The following ARHGAP27 variants were observed in gnomAD, a reference collection of about 807,000 sequenced individuals.
The protein encoded by ARHGAP27 is rho GTPase-activating protein 27.
ARHGAP27 carries 53 observed loss-of-function variants against 102.0 expected under a neutral mutation model. That is an observed-to-expected ratio of 0.52 (90% CI 0.42 to 0.65). ARHGAP27 has a LOEUF of 0.65. Among genes scored for constraint, ARHGAP27 ranks in the 30% least tolerant of loss-of-function variants. The pLI is 0.00. For synonymous variants in ARHGAP27, 525 were observed against 542.8 expected, an observed-to-expected ratio of 0.97 and a Z score of 0.46; for missense variants, 1,117 against 1,256.2, an observed-to-expected ratio of 0.89 and a Z score of 1.68.
At chr17:45,403,420 C>T (rs1236979706) in intron 11 of ARHGAP27, among the ~76,000 whole-genome samples, 199 bp downstream of exon 11, 2 of 152,176 alleles carry the variant, frequency 1.3e-5, no homozygotes, top group African/African-American at 4.8e-5. Context: ...ATTAGCCGCA[C>T]ATGGTGGCAC....
chr17:45,395,829 G>C lies in ARHGAP27; in HGVS notation c.2407C>G (p.Arg803Gly). Residue 803 changes from arginine (R) to glycine (G), a missense_variant, in exon 19 of 20, where the codon CGC (arginine) becomes GGC (glycine). Around this residue, in one of 3 missense-constraint regions of ARHGAP27, gnomAD observed 493 missense variants for 505.5 expected, o/e 0.98. Transcript: ENST00000685559. ...ACCAAGTCACGCACACAGCGGCTGC[G>C]CCGGGCCTGGTCCTGCAACTCTGGG... The part of the protein sequence containing the change: ...AAIKLQDQAR[R>G]SRCVRDLVRS... 6.2e-7 allele frequency: 1 copy of C among 1,602,018 alleles called. No homozygotes were observed. Among genetic ancestry groups the C allele is most frequent in the South Asian group, 1.1e-5 (1 of 89,598 alleles).
rs1469646341 is a variant in ARHGAP27 at position 45,420,966 on chromosome 17, A to AG, written c.657+8656_657+8657insC. ...ACTCCATCTCAAAAAAAAAAAAAAAAAAGACTGATTTTTAGAACTTAAAAT... is the reference window on the plus strand; with the variant it reads ...ACTCCATCTCAAAAAAAAAAAAAAAAGAAGACTGATTTTTAGAACTTAAAAT... On this transcript the variant is annotated intron_variant, in intron 4 of 19. Transcript: ENST00000685559. Among the ~76,000 whole-genome samples, 14 of 149,428 alleles carry AG rather than the reference A, an allele frequency of 9.4e-5. No homozygotes were observed. In the South Asian group the frequency reaches 1.8e-3, roughly 19 times the overall value.
Position 45,405,841 on chromosome 17 carries a change from G to T in ARHGAP27, c.900C>A (p.Ser300Arg), listed in dbSNP as rs1424516734. ...TSPASVDSHV[S>R]LETEWGQYWD... ...AGTACTGGCCCCACTCGGTCTCAAG[G>T]CTCACGTGGCTGTCCACCGAGGCAG... Residue 300 changes from serine (S) to arginine (R), a missense_variant, in exon 5 of 20, where the codon AGC becomes AGA. This residue lies in a region of ARHGAP27 where 610 missense variants were observed against 716.4 expected (regional missense o/e 0.85). Coordinates refer to ENST00000685559, the MANE Select transcript of ARHGAP27 (RefSeq NM_001282290.2). 6.5e-7 allele frequency: 1 copy of T among 1,536,594 alleles called. No homozygotes were observed. The highest frequency in any genetic ancestry group is 8.7e-7 in the Non-Finnish European group (1 of 1,146,984).
rs949913445 is a variant in ARHGAP27, at chr17:45,405,043, GAGA to G, written c.1126_1128del (p.Ser376del). ...CCGGGCTCACCGAAAGAGCCCACGGGAGAATAGTCCTCCTCGGGGTAACTGGTC... is the reference window on the plus strand; with the variant it reads ...CCGGGCTCACCGAAAGAGCCCACGGGATAGTCCTCCTCGGGGTAACTGGTC... On this transcript the variant is annotated inframe_deletion, in exon 6 of 20. Coordinates refer to ENST00000685559, the MANE Select transcript of ARHGAP27 (RefSeq NM_001282290.2). The G allele has an allele frequency of 5.6e-6, 9 of 1,613,316 alleles. No homozygotes were observed. In the African/African-American group the frequency reaches 1.2e-4, roughly 22 times the overall value.
chr17:45,396,448 C>T, intron 16 of ARHGAP27, 39 bp downstream of exon 16: 2 of 1,495,568 alleles, frequency 1.3e-6, no homozygotes, highest in Non-Finnish European at 1.8e-6. Flanking sequence ...CCTGCGGGCA[C>T]CCCAATGCCT....
chr17:45,396,179 T>A lies in ARHGAP27; in HGVS notation c.2251+28A>T, dbSNP rs368477600. The A allele has an allele frequency of 3.8e-6, 6 of 1,595,672 alleles. No individual in the cohort carries two copies. In the African/African-American group the frequency reaches 8.1e-5, roughly 21 times the overall value. The stretch of plus-strand genomic sequence containing the variant: ...CAGTACCCCTTGCGCCTTCAGGCCC[T>A]GGGGCAGGGGTTGGGGACGGGCCTC... On this transcript the variant is annotated intron_variant, in intron 17 of 19. Coordinates refer to ENST00000685559, the MANE Select transcript of ARHGAP27 (RefSeq NM_001282290.2).
chr17:45,411,077 C>T lies in ARHGAP27; in HGVS notation c.658-4994G>A, dbSNP rs562361480. Among the ~76,000 whole-genome samples the T allele has an allele frequency of 6.6e-5, 10 of 152,220 alleles. No individual in the cohort carries two copies. The East Asian group carries it at 1.5e-3, about 23-fold the overall frequency. On this transcript the variant is annotated intron_variant, in intron 4 of 19. Coordinates refer to ENST00000685559, the MANE Select transcript of ARHGAP27 (RefSeq NM_001282290.2). ...TGTCCACATACGTGTACAAGTATGC[C>T]CGTGCCTGTCCCCTCCTCTCTAAGG...
intron 4 of ARHGAP27, among the ~76,000 whole-genome samples, chr17:45,407,239 CTG>C: frequency 6.6e-6 from 1 of 152,280 alleles, no homozygotes. Context: ...ACCGTCCCTG[CTG>C]TGTTTCCTCC....
chr17:45,395,398 T>C lies in ARHGAP27; in HGVS notation c.*58A>G, dbSNP rs1346357032. The C allele has an allele frequency of 1.3e-6, 2 of 1,506,368 alleles. No individual in the cohort carries two copies. The highest frequency in any genetic ancestry group is 1.8e-6 in the Non-Finnish European group (2 of 1,122,954). 93.3% of individuals were successfully genotyped at this position (1,506,368 alleles called of 1,614,324 possible). On this transcript the variant is annotated 3_prime_UTR_variant, in exon 20 of 20. Transcript: ENST00000685559. The stretch of plus-strand genomic sequence containing the variant: ...GAGAAGAAGGCCCGGCTGCGTGGCC[T>C]CCGCCGCCCAGCTTGTGTGGCAGGA...
chr17:45,427,428 T>A lies in ARHGAP27; in HGVS notation c.657+2195A>T, dbSNP rs1287791325. ...CCCCAGGATCGTGGCTGTGCCTCAG[T>A]CCTCTCCAGATCCGAAGGCTCACCA... On this transcript the variant is annotated intron_variant, in intron 4 of 19. Coordinates refer to ENST00000685559, the MANE Select transcript of ARHGAP27 (RefSeq NM_001282290.2). The surrounding 1 kb of genome is among the most constrained non-coding windows in gnomAD (Gnocchi z 4.5). 2.6e-5 allele frequency among the ~76,000 whole-genome samples: 4 copies of A among 152,214 alleles called. No homozygotes were observed. The East Asian group carries it at 7.7e-4, about 29-fold the overall frequency.
At chr17:45,397,697 A>C (rs1305146614) in intron 13 of ARHGAP27, 1 of 396,098 alleles carries the variant, frequency 2.5e-6, no homozygotes, top group African/African-American at 2.1e-5. Flanking sequence ...CCTCCCGTGA[A>C]ATGGGAACTT....
In ARHGAP27 at chr17:45,411,795, T is replaced by TCACACACA. The variant is rs3068161; in HGVS notation, c.658-5720_658-5713dup. On this transcript the variant is annotated intron_variant, in intron 4 of 19. Coordinates refer to ENST00000685559, the MANE Select transcript of ARHGAP27 (RefSeq NM_001282290.2). ...CCACCCTGAGGCCAGGGATGAGGACTCACACACACACACACACACACACAC... is the reference window on the plus strand; with the variant it reads ...CCACCCTGAGGCCAGGGATGAGGACTCACACACACACACACACACACACACACACACAC... Among the ~76,000 whole-genome samples the TCACACACA allele has an allele frequency of 7.2e-3, 1,078 of 149,148 alleles. 4 individuals are homozygous for TCACACACA. The highest frequency in any genetic ancestry group is 0.024 in the Middle Eastern group (7 of 286).
intron 12 of ARHGAP27, among the ~76,000 whole-genome samples, chr17:45,398,282 T>C (rs2045983889): frequency 6.6e-6 from 1 of 152,234 alleles, no homozygotes; most frequent in South Asian, 2.1e-4. Flanking sequence ...CAGCAAGTTT[T>C]AGCTGCTTCC....
chr17:45,410,540 T>C lies in ARHGAP27; in HGVS notation c.658-4457A>G, dbSNP rs1321154786. 3 of 834,196 alleles carry C rather than the reference T, an allele frequency of 3.6e-6. No individual in the cohort carries two copies. In the African/African-American group the frequency reaches 5.4e-5, roughly 15 times the overall value. The allele number at this position is 834,196 out of a possible 1,614,324, so 51.7% of individuals were successfully genotyped here. ...AAACACTGCTGGCTGCCCCACTCAG[T>C]GCTCTAATGACCAGTGAGCCGCATC... On this transcript the variant is annotated intron_variant, in intron 4 of 19. Coordinates refer to ENST00000685559, the MANE Select transcript of ARHGAP27 (RefSeq NM_001282290.2).
chr17:45,418,456 C>T (rs950199686), intron 4 of ARHGAP27, among the ~76,000 whole-genome samples: 6 of 151,882 alleles, frequency 4.0e-5, no homozygotes, highest in South Asian at 4.2e-4. Context: ...GGTGACAGAG[C>T]GAGACCCTGT....
intron 4 of ARHGAP27, chr17:45,410,119 G>A: frequency 6.2e-6 from 8 of 1,295,070 alleles, no homozygotes; most frequent in Admixed American, 2.7e-5. Context: ...AGAAAAGGAA[G>A]TATGAGCCCC....
chr17:45,417,778 G>T (rs1297711166), intron 4 of ARHGAP27, among the ~76,000 whole-genome samples: 1 of 151,004 alleles, frequency 6.6e-6, no homozygotes, highest in Non-Finnish European at 1.5e-5. Context: ...TTTTGGCCGG[G>T]TATGGTGGCT....
At chr17:45,410,458 G>T in intron 4 of ARHGAP27, 12 of 1,229,116 alleles carry the variant, frequency 9.8e-6, no homozygotes, top group African/African-American at 3.2e-5. Context: ...AGTGCTGCCT[G>T]AGTTGGGGCG....
At position 45,404,258 on chromosome 17, in the gene ARHGAP27, G is replaced by T. The variant is rs376786477; in HGVS notation, c.1479+11C>A. ...ACCACCACCTGGCTGGGGGTAGGGG[G>T]TGATGCCTACCCTCACAGCAGCTGT... On this transcript the variant is annotated intron_variant, in intron 9 of 19. Transcript: ENST00000685559. 1.9e-6 allele frequency: 3 copies of T among 1,613,818 alleles called. No homozygotes were observed. Among genetic ancestry groups the T allele is most frequent in the Admixed American group, 1.7e-5 (1 of 60,018 alleles).
Sources: allele counts gnomAD v4.1 joint callset (sites outside exome capture counted in the v4.1 genomes callset), GRCh38; gene constraint gnomAD v4.1.1; regional missense constraint gnomAD v4.1.1; non-coding constraint Gnocchi (gnomAD v3.1); transcripts MANE v1.5; gene names NCBI Gene and HGNC (gene_info 2026-07-23, HGNC 2026-07-21).